Variants in LRRC8B observed in about 807,000 individuals in gnomAD.
LRRC8B encodes volume-regulated anion channel subunit LRRC8B.
Under a neutral mutation model 58.8 loss-of-function variants are expected in LRRC8B, and 23 were observed. The ratio of observed to expected loss-of-function variants is 0.39; its 90% CI spans 0.28 to 0.55. The LOEUF (loss-of-function observed/expected upper bound fraction) is 0.55. Ranked by LOEUF, LRRC8B falls within the 20% of genes least tolerant of loss-of-function variation. The pLI, the probability that LRRC8B is intolerant of heterozygous loss-of-function variation, is 0.62. For synonymous variants in LRRC8B, 359 were observed against 374.1 expected (o/e 0.96, Z 0.47); for missense variants, 694 against 936.0 (o/e 0.74, Z 3.37).
intron 5 of LRRC8B, 21 bp from the exon 6 acceptor site, chr1:89,592,750 T>G (rs769748311): frequency 6.2e-7 from 1 of 1,608,436 alleles, no homozygotes; most frequent in Non-Finnish European, 8.5e-7. Flanking sequence ...TTTACCAGCT[T>G]CTTTTTTCTT....
At chr1:89,530,872 G>A (rs534589359) in intron 1 of LRRC8B, among the ~76,000 whole-genome samples, 14 of 152,236 alleles carry the variant, frequency 9.2e-5, no homozygotes, top group South Asian at 2.1e-4. Flanking sequence ...TCTCCTTGCC[G>A]TGTCCTGCTG....
chr1:89,540,841 A>G (rs1475616089), intron 1 of LRRC8B, among the ~76,000 whole-genome samples: 2 of 152,206 alleles, frequency 1.3e-5, no homozygotes, highest in Non-Finnish European at 2.9e-5. Flanking sequence ...GTTTAGAAAA[A>G]AGTCATAGGA....
chr1:89,586,452 T>C (rs1302432423), intron 5 of LRRC8B, among the ~76,000 whole-genome samples: 4 of 152,226 alleles, frequency 2.6e-5, no homozygotes, highest in Non-Finnish European at 5.9e-5. Context: ...TTAAATCACT[T>C]TCAAAAATGG....
chr1:89,529,488 C>CTT (rs1355217634), intron 1 of LRRC8B, among the ~76,000 whole-genome samples: 4 of 152,056 alleles, frequency 2.6e-5, no homozygotes, highest in African/African-American at 9.7e-5. Flanking sequence ...GTCTCTCTCT[C>CTT]TCTCTCTGTT....
rs767672532 is a variant in LRRC8B at position 89,583,188 on chromosome 1, C to T, written c.538C>T (p.Pro180Ser). 2.5e-6 allele frequency: 4 copies of T among 1,614,056 alleles called. No individual in the cohort carries two copies. The African/African-American group carries it at 5.3e-5, about 22-fold the overall frequency. The stretch of plus-strand genomic sequence containing the variant: ...AACAGTGGCTGAGCAGTCAGTGAGG[C>T]CTCTGAAACTCTCCAAGTCCAAGAT... ...SETVAEQSVR[P>S]LKLSKSKILL... The change falls in exon 5 of 6, where the codon CCT (proline) becomes TCT (serine). Residue 180 changes from proline (P) to serine (S), a missense_variant. Physicochemically the swap from Pro to Ser is moderately conservative, Grantham distance 74. This residue lies in a region of LRRC8B where 316 missense variants were observed against 403.8 expected (regional missense o/e 0.78). Coordinates refer to ENST00000330947, the MANE Select transcript of LRRC8B (RefSeq NM_001369817.2). This position sits in a 1 kb window ranked among gnomAD's most constrained non-coding sequence, Gnocchi z 5.2.
At chr1:89,581,769 A>G (rs1244792001) in intron 4 of LRRC8B, among the ~76,000 whole-genome samples, 1 of 152,274 alleles carries the variant, frequency 6.6e-6, no homozygotes, top group Non-Finnish European at 1.5e-5. Flanking sequence ...ATATTCTAGC[A>G]GAGCTTTTCT....
At chr1:89,541,434 G>A (rs1310591230) in intron 1 of LRRC8B, among the ~76,000 whole-genome samples, 2 of 152,136 alleles carry the variant, frequency 1.3e-5, no homozygotes, top group East Asian at 1.9e-4. Flanking sequence ...CTTTCTGGCC[G>A]GGCGCGGTGG....
intron 1 of LRRC8B, among the ~76,000 whole-genome samples, chr1:89,561,328 G>T (rs359945): frequency 1.6e-3 from 221 of 137,562 alleles, no homozygotes; most frequent in African/African-American, 5.8e-3. Flanking sequence ...TTTCTCCCAT[G>T]TTGTAGGTTG....
rs1312432473 is a variant in LRRC8B, at chr1:89,583,704, G to C, written c.1054G>C (p.Glu352Gln). The change falls in exon 5 of 6, where the codon GAA becomes CAA. Residue 352 changes from glutamate (E) to glutamine (Q), a missense_variant. This residue lies in a region of LRRC8B where 24 missense variants were observed against 63.2 expected (regional missense o/e 0.38). Transcript: ENST00000330947. The surrounding 1 kb of genome is among the most constrained non-coding windows in gnomAD (Gnocchi z 5.2). The stretch of plus-strand genomic sequence containing the variant: ...GCAATATTCCTTTGAGGCGTTAAGA[G>C]AAAAAAGCAACTACAGTGACATCCC... ...LKQYSFEALR[E>Q]KSNYSDIPDV... is the part of the protein sequence containing the mutation. The C allele has an allele frequency of 1.2e-6, 2 of 1,613,932 alleles. No individual in the cohort carries two copies. The highest frequency in any genetic ancestry group is 1.7e-6 in the Non-Finnish European group (2 of 1,180,024).
intron 1 of LRRC8B, among the ~76,000 whole-genome samples, chr1:89,539,195 G>A (rs928889758): frequency 6.6e-6 from 1 of 152,132 alleles, no homozygotes; most frequent in Non-Finnish European, 1.5e-5. Flanking sequence ...TGACAACTCT[G>A]AAAGAAGAAA....
At chr1:89,567,063 G>A (rs1316742454) in intron 1 of LRRC8B, among the ~76,000 whole-genome samples, 1 of 152,204 alleles carries the variant, frequency 6.6e-6, no homozygotes, top group Non-Finnish European at 1.5e-5. Context: ...ACACTCATTA[G>A]CATAGCAAAC....
intron 1 of LRRC8B, among the ~76,000 whole-genome samples, chr1:89,543,824 G>A (rs1221366756): frequency 6.6e-6 from 1 of 150,968 alleles, no homozygotes; most frequent in Non-Finnish European, 1.5e-5. Context: ...GTCTTGCTCT[G>A]TTGCCCAGGC....
At chr1:89,532,786 G>C (rs974261921) in intron 1 of LRRC8B, among the ~76,000 whole-genome samples, 5 of 152,212 alleles carry the variant, frequency 3.3e-5, no homozygotes, top group Non-Finnish European at 7.3e-5. Flanking sequence ...TAATGTCCAT[G>C]CCACCTACCT....
chr1:89,542,007 T>C (rs1045318174), intron 1 of LRRC8B, among the ~76,000 whole-genome samples: 2 of 152,232 alleles, frequency 1.3e-5, no homozygotes, highest in African/African-American at 4.8e-5. Flanking sequence ...TAAAATTTTT[T>C]AATGTAATAT....
chr1:89,572,560 CT>C (rs1653545056), intron 3 of LRRC8B: 1 of 152,220 alleles, frequency 6.6e-6, no homozygotes, highest in Non-Finnish European at 1.5e-5. Flanking sequence ...CATCTTCCAA[CT>C]TTGAGATTCT....
intron 1 of LRRC8B, among the ~76,000 whole-genome samples, chr1:89,542,004 T>G (rs1345215592): frequency 6.6e-6 from 1 of 152,216 alleles, no homozygotes; most frequent in African/African-American, 2.4e-5. Flanking sequence ...GATTAAAATT[T>G]TTTAATGTAA....
intron 4 of LRRC8B, among the ~76,000 whole-genome samples, chr1:89,581,571 GATGT>G (rs1274717592): frequency 2.0e-5 from 3 of 152,120 alleles, no homozygotes; most frequent in African/African-American, 7.2e-5. Context: ...TGAAACAATT[GATGT>G]ATGTAAGACT....
Position 89,541,710 on chromosome 1 carries a change from C to CAAAAAAAAAAAAAA in LRRC8B, c.-241+16714_-241+16727dup, listed in dbSNP as rs61714771. Among the ~76,000 whole-genome samples, 10 of 42,232 alleles carry CAAAAAAAAAAAAAA rather than the reference C, an allele frequency of 2.4e-4. 1 individual carries two copies. The highest frequency in any genetic ancestry group is 8.7e-4 in the African/African-American group (8 of 9,222). The allele number at this position is 42,232 out of a possible 152,430, so 27.7% of individuals were successfully genotyped here. A position where few individuals can be genotyped will look rare whatever the true frequency, so the allele number is the denominator to read the frequency against. ...TGGGCGACAGAGGGAGACTCCGTCTCAAAAAAAAAAAAAAAAAAAAAAAAA... is the reference window on the plus strand; with the variant it reads ...TGGGCGACAGAGGGAGACTCCGTCTCAAAAAAAAAAAAAAAAAAAAAAAAAAAAAAAAAAAAAAA... On this transcript the variant is annotated intron_variant, in intron 1 of 5. Transcript: ENST00000330947.
chr1:89,556,056 G>C (rs1652163826), intron 1 of LRRC8B, among the ~76,000 whole-genome samples: 1 of 152,158 alleles, frequency 6.6e-6, no homozygotes. Context: ...CTAACCATGT[G>C]ATTCCAGCAT....
Sources: allele counts gnomAD v4.1 joint callset (sites outside exome capture counted in the v4.1 genomes callset), GRCh38; gene constraint gnomAD v4.1.1; regional missense constraint gnomAD v4.1.1; non-coding constraint Gnocchi (gnomAD v3.1); transcripts MANE v1.5; gene names NCBI Gene and HGNC (gene_info 2026-07-23, HGNC 2026-07-21).